Variants in CSMD1 observed in about 807,000 individuals in gnomAD.
CSMD1 encodes CUB and Sushi multiple domains 1.
CSMD1 carries 213 observed loss-of-function variants against 417.5 expected under a neutral mutation model. The observed-to-expected ratio is 0.51, with a 90% confidence interval of 0.46 to 0.57. The LOEUF is 0.57. Among genes scored for constraint, CSMD1 ranks in the 20% least tolerant of loss-of-function variants. The probability of loss-of-function intolerance (pLI) is 0.00; values close to 1 mark genes in which losing one functional copy is unlikely to be tolerated. For synonymous variants in CSMD1, 2,862 were observed against 1,736.8 expected (o/e 1.65, Z -16.11); for missense variants, 6,923 against 4,529.7 (o/e 1.53, Z -15.17).
At chr8:3,651,789 CCCACCACCATCGCACTTA>C (rs1797870281) in intron 7 of CSMD1, among the ~76,000 whole-genome samples, 1 of 151,404 alleles carries the variant, frequency 6.6e-6, no homozygotes, top group Non-Finnish European at 1.5e-5. Flanking sequence ...CATCAGAGCA[CCCACCACCATCGCACTTA>C]CCACCATCAG....
chr8:4,393,070 G>A (rs912847876), intron 3 of CSMD1, among the ~76,000 whole-genome samples: 9 of 152,150 alleles, frequency 5.9e-5, no homozygotes, highest in Non-Finnish European at 1.3e-4. Context: ...CCGCCTCCGG[G>A]GTTCAAGCGA....
intron 2 of CSMD1, among the ~76,000 whole-genome samples, chr8:4,627,879 G>C (rs1037421714): frequency 6.6e-6 from 1 of 152,088 alleles, no homozygotes; most frequent in Non-Finnish European, 1.5e-5. Flanking sequence ...TTCTGATACT[G>C]TATGGCAGAC....
intron 5 of CSMD1, among the ~76,000 whole-genome samples, chr8:3,914,648 C>T (rs975080150): frequency 6.6e-6 from 1 of 152,090 alleles, no homozygotes; most frequent in African/African-American, 2.4e-5. Flanking sequence ...CAGATCTCCA[C>T]CTAGTCCACG....
At chr8:3,520,058 C>G (rs920736930) in intron 10 of CSMD1, among the ~76,000 whole-genome samples, 1 of 126,104 alleles carries the variant, frequency 7.9e-6, no homozygotes, top group Admixed American at 8.0e-5. Flanking sequence ...AGTTGTGAAA[C>G]TTGCTCCACA....
chr8:4,251,156 C>G (rs1026919632), intron 3 of CSMD1, among the ~76,000 whole-genome samples: 3 of 151,968 alleles, frequency 2.0e-5, no homozygotes, highest in African/African-American at 7.3e-5. Context: ...TAAAGGTATA[C>G]AAGGCCAATG....
At chr8:3,109,078 A>G (rs1437245396) in intron 43 of CSMD1, among the ~76,000 whole-genome samples, 2 of 152,154 alleles carry the variant, frequency 1.3e-5, no homozygotes, top group Non-Finnish European at 2.9e-5. Flanking sequence ...CAGCCTGGCC[A>G]ACATGGTGAA....
chr8:3,627,339 G>C (rs1054890379), intron 7 of CSMD1, among the ~76,000 whole-genome samples: 1 of 152,066 alleles, frequency 6.6e-6, no homozygotes, highest in Non-Finnish European at 1.5e-5. Context: ...TAATACGTGC[G>C]TTAAGACTTC....
intron 2 of CSMD1, among the ~76,000 whole-genome samples, chr8:4,428,030 CT>C (rs1236347068): frequency 6.6e-6 from 1 of 152,156 alleles, no homozygotes; most frequent in African/African-American, 2.4e-5. Flanking sequence ...TACTTGAAGC[CT>C]TTCATTGCTA....
chr8:3,185,269 T>TG (rs1008118575), intron 36 of CSMD1, among the ~76,000 whole-genome samples: 72 of 152,344 alleles, frequency 4.7e-4, no homozygotes, highest in African/African-American at 1.7e-3. Flanking sequence ...ACATATTTTT[T>TG]CAAATTTTCT....
intron 3 of CSMD1, among the ~76,000 whole-genome samples, chr8:4,145,744 G>T (rs1450206361): frequency 6.6e-6 from 1 of 150,986 alleles, no homozygotes; most frequent in Non-Finnish European, 1.5e-5. Context: ...AGGAACCAAA[G>T]TCAACACTGA....
chr8:3,230,010 A>C (rs764758894), intron 27 of CSMD1, 30 bp downstream of exon 27: 1 of 1,451,886 alleles, frequency 6.9e-7, no homozygotes. Context: ...ATTCCTGAAT[A>C]TAAAATTTCT....
intron 49 of CSMD1, among the ~76,000 whole-genome samples, chr8:3,067,242 T>C (rs1812996904): frequency 6.6e-6 from 1 of 152,158 alleles, no homozygotes; most frequent in Admixed American, 6.6e-5. Context: ...CTCTGTCTCT[T>C]ATCGTGACGT....
At chr8:3,306,508 G>T (rs1804858518) in intron 25 of CSMD1, among the ~76,000 whole-genome samples, 1 of 152,174 alleles carries the variant, frequency 6.6e-6, no homozygotes, top group South Asian at 2.1e-4. Flanking sequence ...CGTATGTGTA[G>T]GAGGAGCTGA....
chr8:4,405,165 T>C (rs578074310), intron 3 of CSMD1, among the ~76,000 whole-genome samples: 1 of 152,220 alleles, frequency 6.6e-6, no homozygotes, highest in African/African-American at 2.4e-5. Flanking sequence ...CTTCCTGGAA[T>C]CCACCATAAA....
chr8:3,694,551 G>C (rs952839214), intron 7 of CSMD1, among the ~76,000 whole-genome samples: 3 of 152,082 alleles, frequency 2.0e-5, no homozygotes, highest in East Asian at 2.0e-4. Context: ...CCCAGGTTCA[G>C]GTTCAGTGGA....
At chr8:4,240,526 G>C (rs1004088014) in intron 3 of CSMD1, among the ~76,000 whole-genome samples, 3 of 152,166 alleles carry the variant, frequency 2.0e-5, no homozygotes, top group African/African-American at 7.2e-5. Context: ...AAACTAACCT[G>C]ATTGTGTAGT....
intron 2 of CSMD1, among the ~76,000 whole-genome samples, chr8:4,431,586 G>A (rs1053538756): frequency 6.6e-6 from 1 of 152,124 alleles, no homozygotes; most frequent in Non-Finnish European, 1.5e-5. Flanking sequence ...TTGCTCTGAG[G>A]CTACCTCTTT....
intron 2 of CSMD1, among the ~76,000 whole-genome samples, chr8:4,633,035 T>C (rs1802614055): frequency 6.6e-6 from 1 of 151,972 alleles, no homozygotes; most frequent in African/African-American, 2.4e-5. Flanking sequence ...ACTAGAACTG[T>C]TTATGTTGCC....
intron 2 of CSMD1, among the ~76,000 whole-genome samples, chr8:4,476,595 T>G (rs1154083): frequency 0.023 from 3,457 of 152,254 alleles, 118 homozygotes; most frequent in African/African-American, 0.08. Context: ...CACAACACTT[T>G]TAGTAAAACA....
Sources: allele counts gnomAD v4.1 joint callset (sites outside exome capture counted in the v4.1 genomes callset), GRCh38; gene constraint gnomAD v4.1.1; transcripts MANE v1.5; gene names NCBI Gene and HGNC (gene_info 2026-07-23, HGNC 2026-07-21).